GNAZ: variants seen among roughly 807,000 people sequenced by gnomAD.
GNAZ encodes guanine nucleotide-binding protein G(z) subunit alpha.
GNAZ carries 3 observed loss-of-function variants against 25.4 expected under a neutral mutation model. The observed-to-expected ratio is 0.12, with a 90% confidence interval of 0.05 to 0.30. The LOEUF (loss-of-function observed/expected upper bound fraction) is 0.30, where lower values mean the gene tolerates loss of function less well. GNAZ is among the 10% of genes least tolerant of loss of function. GNAZ has a pLI of 1.00. For missense variants in GNAZ, 241 were observed against 501.8 expected, an observed-to-expected ratio of 0.48 and a Z score of 4.97; for synonymous variants, 211 against 205.7, an observed-to-expected ratio of 1.03 and a Z score of -0.22.
intron 2 of GNAZ, among the ~76,000 whole-genome samples, chr22:23,102,915 T>C (rs368522748): frequency 1.2e-4 from 18 of 152,190 alleles, no homozygotes; most frequent in African/African-American, 3.9e-4. Context: ...CAACAGGAGG[T>C]CAGCCAGCGT....
intron 1 of GNAZ, among the ~76,000 whole-genome samples, chr22:23,091,670 A>T (rs1379993228): frequency 6.6e-6 from 1 of 152,122 alleles, no homozygotes; most frequent in Non-Finnish European, 1.5e-5. Context: ...ATGCACACAC[A>T]CCACAGTGGA....
At chr22:23,121,146 TTG>T (rs1176610108) in intron 2 of GNAZ, among the ~76,000 whole-genome samples, 2 of 152,224 alleles carry the variant, frequency 1.3e-5, no homozygotes, top group African/African-American at 4.8e-5. Flanking sequence ...GGATGAGATC[TTG>T]TGTGTTGCTT....
At chr22:23,103,970 C>A (rs1369419321) in intron 2 of GNAZ, among the ~76,000 whole-genome samples, 1 of 152,192 alleles carries the variant, frequency 6.6e-6, no homozygotes, top group Non-Finnish European at 1.5e-5. Flanking sequence ...AAGCCAGGAA[C>A]AGGTGCCTCC....
intron 2 of GNAZ, among the ~76,000 whole-genome samples, chr22:23,120,340 G>A (rs544346424): frequency 6.6e-6 from 1 of 152,296 alleles, no homozygotes; most frequent in South Asian, 2.1e-4. Context: ...GACAAGAAGA[G>A]TGGCTGCCTT....
chr22:23,081,332 T>C (rs978139096), intron 1 of GNAZ, among the ~76,000 whole-genome samples: 11 of 152,196 alleles, frequency 7.2e-5, no homozygotes, highest in Admixed American at 2.6e-4. Context: ...AGAGTTTGTG[T>C]CTCTGAAAAT....
intron 2 of GNAZ, among the ~76,000 whole-genome samples, chr22:23,116,086 T>C (rs1188163815): frequency 6.6e-6 from 1 of 152,260 alleles, no homozygotes; most frequent in Non-Finnish European, 1.5e-5. Context: ...TGTCATGTGC[T>C]CACCACGTGC....
At position 23,086,454 on chromosome 22, in the gene GNAZ, C is replaced by T. The variant is rs191890360; in HGVS notation, c.-449-8793C>T. Among the ~76,000 whole-genome samples the T allele has an allele frequency of 1.8e-3, 269 of 152,356 alleles. 1 individual carries two copies. The highest frequency in any genetic ancestry group is 5.5e-3 in the African/African-American group (228 of 41,580). On this transcript the variant is annotated intron_variant, in intron 1 of 2. Transcript: ENST00000615612. ...GGCACGGAGGTGCAGCTGTCCCCTG[C>T]GTGTCTCCAGCCACGGGCCTCTGGA...
At chr22:23,101,602 A>G (rs1230433349) in intron 2 of GNAZ, among the ~76,000 whole-genome samples, 3 of 152,246 alleles carry the variant, frequency 2.0e-5, no homozygotes, top group African/African-American at 7.2e-5. Flanking sequence ...GCTCCAAGCC[A>G]GAAGGCCTGC....
At chr22:23,081,941 C>G (rs2146274314) in intron 1 of GNAZ, among the ~76,000 whole-genome samples, 1 of 150,412 alleles carries the variant, frequency 6.6e-6, no homozygotes, top group Non-Finnish European at 1.5e-5. Context: ...CTGGCTAACA[C>G]AGTGAAACCT....
intron 1 of GNAZ, among the ~76,000 whole-genome samples, chr22:23,077,466 G>A (rs2068537898): frequency 1.3e-5 from 2 of 152,190 alleles, no homozygotes; most frequent in Non-Finnish European, 2.9e-5. Flanking sequence ...GCCTCCTCTT[G>A]GATGTACACC....
chr22:23,122,742 G>A (rs975501995), intron 2 of GNAZ: 18 of 302,148 alleles, frequency 6.0e-5, no homozygotes, highest in Non-Finnish European at 1.1e-4. Flanking sequence ...GAAGATGGGG[G>A]GTCCTCGGAG....
intron 1 of GNAZ, among the ~76,000 whole-genome samples, chr22:23,093,501 G>A (rs2069045476): frequency 6.6e-6 from 1 of 152,240 alleles, no homozygotes; most frequent in African/African-American, 2.4e-5. Context: ...GGTCATGTAG[G>A]TCACACATTA....
intron 1 of GNAZ, among the ~76,000 whole-genome samples, chr22:23,087,831 A>G (rs560095353): frequency 3.7e-4 from 56 of 152,320 alleles, no homozygotes; most frequent in Admixed American, 6.5e-4. Flanking sequence ...CATCAAGTGC[A>G]GGGTCTGCAA....
At chr22:23,102,637 C>T (rs1215779771) in intron 2 of GNAZ, among the ~76,000 whole-genome samples, 2 of 152,248 alleles carry the variant, frequency 1.3e-5, no homozygotes, top group Non-Finnish European at 2.9e-5. Context: ...GGGCCTTTTC[C>T]TTTGGCCCCC....
intron 2 of GNAZ, among the ~76,000 whole-genome samples, chr22:23,120,355 T>C (rs2069979553): frequency 6.6e-6 from 1 of 152,052 alleles, no homozygotes; most frequent in South Asian, 2.1e-4. Context: ...TGCCTTGGCC[T>C]TGGAGAGAGG....
At chr22:23,072,595 A>T (rs1212799388) in intron 1 of GNAZ, among the ~76,000 whole-genome samples, 1 of 152,098 alleles carries the variant, frequency 6.6e-6, no homozygotes, top group African/African-American at 2.4e-5. Flanking sequence ...TCCCCACCCA[A>T]CACACACTTG....
Position 23,117,607 on chromosome 22 carries a change from C to T in GNAZ, c.724-5480C>T, listed in dbSNP as rs573545601. ...CCAAGGCGAATCACAGTGGGTGTGG[C>T]GTGGAGAGGGCCCACTGGGGTGCCA... is the stretch of plus-strand genomic sequence containing the variant. On this transcript the variant is annotated intron_variant, in intron 2 of 2. Transcript: ENST00000615612. 3.3e-5 allele frequency among the ~76,000 whole-genome samples: 5 copies of T among 152,316 alleles called. No homozygotes were observed. In the South Asian group the frequency reaches 6.2e-4, roughly 19 times the overall value.
chr22:23,123,028 C>A, intron 2 of GNAZ, 59 bp from the exon 3 acceptor site: 2 of 1,156,576 alleles, frequency 1.7e-6, no homozygotes, highest in Non-Finnish European at 2.6e-6. Context: ...GGCTGCAGGT[C>A]TAGGGTCTGT....
chr22:23,077,467 G>A (rs1011834690), intron 1 of GNAZ, among the ~76,000 whole-genome samples: 4 of 152,198 alleles, frequency 2.6e-5, no homozygotes, highest in South Asian at 4.1e-4. Flanking sequence ...CCTCCTCTTG[G>A]ATGTACACCT....
Sources: allele counts gnomAD v4.1 joint callset (sites outside exome capture counted in the v4.1 genomes callset), GRCh38; gene constraint gnomAD v4.1.1; transcripts MANE v1.5; gene names NCBI Gene and HGNC (gene_info 2026-07-23, HGNC 2026-07-21).